The following CCDC66 variants were observed in gnomAD, a reference collection of about 807,000 sequenced individuals.
The protein encoded by CCDC66 is coiled-coil domain containing 66.
A neutral mutation model predicts 128.3 loss-of-function variants in CCDC66; 133 were observed. The ratio of observed to expected loss-of-function variants is 1.04; its 90% confidence interval spans 0.90 to 1.20. The LOEUF (loss-of-function observed/expected upper bound fraction) is 1.20, where lower values mean the gene tolerates loss of function less well. CCDC66 is among the 50% of genes most tolerant of loss of function. The pLI, the probability that CCDC66 is intolerant of heterozygous loss-of-function variation, is 0.00. For missense variants in CCDC66, 1,126 were observed against 1,075.5 expected (o/e 1.05, Z -0.66); for synonymous variants, 387 against 357.0 (o/e 1.08, Z -0.95).
At chr3:56,621,000 A>AAGTTAGTTAGTTAGTT (rs112632967) in intron 17 of CCDC66, 9,049 of 150,450 alleles carry the variant, frequency 0.06, 331 homozygotes, top group South Asian at 0.17. Context: ...AAAATACAAA[A>AAGTTAGTTAGTTAGTT]AGTTAGTTAG....
In CCDC66 at chr3:56,558,874, C is replaced by G. The variant is rs2064725617; in HGVS notation, c.40C>G (p.Leu14Val). The change falls in exon 2 of 18, where the codon CTG (leucine) becomes GTG (valine). Residue 14 changes from leucine to valine, a missense_variant. By Grantham distance (32) the Leu-to-Val change is conservative. Coordinates refer to ENST00000394672, the MANE Select transcript of CCDC66 (RefSeq NM_001141947.3). Reference sequence around the variant, plus strand: ...TGGTTTAAAGCTTGAAACTGAATTACTGGATGGAAAAACCAAGCTAATATT... The same window carrying G: ...TGGTTTAAAGCTTGAAACTGAATTAGTGGATGGAAAAACCAAGCTAATATT... Reference protein sequence around the residue: ...GDGLKLETELLDGKTKLILSP... With the variant: ...GDGLKLETELVDGKTKLILSP... 12 of 1,549,544 alleles carry G rather than the reference C, an allele frequency of 7.7e-6. No homozygotes were observed. The highest frequency in any genetic ancestry group is 1.0e-5 in the Non-Finnish European group (12 of 1,145,684).
intron 14 of CCDC66, chr3:56,617,849 A>G: frequency 3.5e-6 from 2 of 575,132 alleles, no homozygotes; most frequent in Non-Finnish European, 6.0e-6. Context: ...CAACAGAAAC[A>G]ATATGGCCCA....
chr3:56,597,777 G>GTTTTTTTTTTGTTTTTTTT (rs767015602), intron 10 of CCDC66, among the ~76,000 whole-genome samples: 1 of 87,916 alleles, frequency 1.1e-5, no homozygotes, highest in Non-Finnish European at 2.1e-5. Context: ...TTGTTTTGGG[G>GTTTTTTTTTTGTTTTTTTT]TTTTTTTTTT....
Position 56,621,264 on chromosome 3 carries a change from C to CTTCAT in CCDC66, c.2761-265_2761-261dup, listed in dbSNP as rs1428852331. 7.8e-5 allele frequency: 20 copies of CTTCAT among 256,332 alleles called. No homozygotes were observed. The East Asian group carries it at 1.5e-3, about 19-fold the overall frequency. 15.9% of individuals were successfully genotyped at this position (256,332 alleles called of 1,614,324 possible). A position where few individuals can be genotyped will look rare whatever the true frequency, so the allele number is the denominator to read the frequency against. On this transcript the variant is annotated intron_variant, in intron 17 of 17. Coordinates refer to ENST00000394672, the MANE Select transcript of CCDC66 (RefSeq NM_001141947.3). Reference sequence around the variant, plus strand: ...GGGTGGACTGGGGGAGAAGGGATGACTTCATTTACCCCCATAGTTATGGAG... The same window carrying CTTCAT: ...GGGTGGACTGGGGGAGAAGGGATGACTTCATTTCATTTACCCCCATAGTTATGGAG...
chr3:56,588,364 G>A (rs1050268346), intron 7 of CCDC66, among the ~76,000 whole-genome samples: 21 of 152,036 alleles, frequency 1.4e-4, no homozygotes, highest in African/African-American at 4.6e-4. Flanking sequence ...TATACTGCTC[G>A]GGTGATGCAT....
intron 7 of CCDC66, among the ~76,000 whole-genome samples, chr3:56,583,092 C>T (rs1408793905): frequency 4.6e-5 from 7 of 151,366 alleles, no homozygotes; most frequent in Non-Finnish European, 7.4e-5. Context: ...GTCTCAAACT[C>T]CTGGGTTCAA....
chr3:56,557,306 G>C (rs1205844505), intron 1 of CCDC66, 53 bp downstream of exon 1: 1 of 1,546,552 alleles, frequency 6.5e-7, no homozygotes, highest in Admixed American at 2.0e-5. Context: ...GTCGTCAGCG[G>C]AGAGGGAGGC....
chr3:56,614,005 A>G (rs186634444), intron 11 of CCDC66, among the ~76,000 whole-genome samples: 18 of 152,288 alleles, frequency 1.2e-4, no homozygotes, highest in African/African-American at 4.3e-4. Context: ...CTCCCACCTC[A>G]GCCTCCTAAA....
At chr3:56,602,146 A>G (rs1202485928) in intron 10 of CCDC66, among the ~76,000 whole-genome samples, 5 of 152,032 alleles carry the variant, frequency 3.3e-5, no homozygotes, top group Non-Finnish European at 5.9e-5. Flanking sequence ...ACGTTCCATC[A>G]ATACCTAGTT....
rs547111602 is a variant in CCDC66, at chr3:56,619,887, T to C, written c.2746T>C (p.Ser916Pro). 1.2e-6 allele frequency: 2 copies of C among 1,613,952 alleles called. No homozygotes were observed. The highest frequency in any genetic ancestry group is 2.7e-5 in the African/African-American group (2 of 75,042). The change falls in exon 17 of 18, where the codon TCA (serine) becomes CCA (proline). Residue 916 changes from serine to proline, a missense_variant. Physicochemically the swap from Ser to Pro is moderately conservative, Grantham distance 74. Coordinates refer to ENST00000394672, the MANE Select transcript of CCDC66 (RefSeq NM_001141947.3). ...ACAGCAAGCAATCCTTAAGGGACTT[T>C]CAGAACTGAGACAGGTATGAGCTTT... ...DRQQAILKGL[S>P]ELRQGLLQKQ...
intron 7 of CCDC66, among the ~76,000 whole-genome samples, chr3:56,579,092 G>T (rs917907367): frequency 1.3e-5 from 2 of 151,836 alleles, no homozygotes. Context: ...TTCAGAACCT[G>T]TTATTGGTCT....
intron 10 of CCDC66, among the ~76,000 whole-genome samples, chr3:56,608,659 G>T (rs1400011258): frequency 6.6e-6 from 1 of 152,016 alleles, no homozygotes; most frequent in Non-Finnish European, 1.5e-5. Context: ...GGTTTGGTTT[G>T]TTCTTGTTTC....
chr3:56,591,213 G>A (rs757970104), intron 7 of CCDC66, among the ~76,000 whole-genome samples: 3 of 152,200 alleles, frequency 2.0e-5, no homozygotes, highest in Non-Finnish European at 4.4e-5. Context: ...AGAAATTAAA[G>A]ACTCAACTGA....
chr3:56,595,269 A>G (rs1212597094), intron 10 of CCDC66, among the ~76,000 whole-genome samples: 1 of 152,186 alleles, frequency 6.6e-6, no homozygotes, highest in Non-Finnish European at 1.5e-5. Context: ...TTACTAGCCA[A>G]TTTGAAATAT....
At chr3:56,566,092 C>G (rs1577272023) in intron 4 of CCDC66, among the ~76,000 whole-genome samples, 1 of 102,616 alleles carries the variant, frequency 9.7e-6, no homozygotes, top group Non-Finnish European at 2.6e-5. Flanking sequence ...CATTTAACCT[C>G]TGGGCTTCAG....
chr3:56,612,269 CTT>C (rs1011140843), intron 10 of CCDC66, among the ~76,000 whole-genome samples: 56 of 152,102 alleles, frequency 3.7e-4, no homozygotes, highest in Non-Finnish European at 6.8e-4. Context: ...TCTCTATAGA[CTT>C]TTTTTTGGCC....
chr3:56,601,652 G>A (rs1464121360), intron 10 of CCDC66, among the ~76,000 whole-genome samples: 2 of 151,892 alleles, frequency 1.3e-5, no homozygotes, highest in Non-Finnish European at 2.9e-5. Context: ...ATTTCCTTGA[G>A]CAGTGGTTTG....
At position 56,619,813 on chromosome 3, in the gene CCDC66, G is replaced by C. The variant is rs150511860; in HGVS notation, c.2672G>C (p.Cys891Ser). ...AAACGACAGCTATTTGATTCTGACTGTGTCAGGGATCCACTTCTTAATCCT... is the reference window on the plus strand; with the variant it reads ...AAACGACAGCTATTTGATTCTGACTCTGTCAGGGATCCACTTCTTAATCCT... ...GQKRQLFDSD[C>S]VRDPLLNPNM... The change falls in exon 17 of 18, where the codon TGT becomes TCT. Residue 891 changes from cysteine to serine, a missense_variant. Cys to Ser is a moderately radical substitution (Grantham distance 112). Transcript: ENST00000394672. 49 of 1,614,010 alleles carry C rather than the reference G, an allele frequency of 3.0e-5. No homozygotes were observed. The East Asian group carries it at 8.5e-4, about 28-fold the overall frequency.
intron 15 of CCDC66, chr3:56,618,494 T>C (rs983755009): frequency 1.8e-5 from 6 of 328,242 alleles, no homozygotes; most frequent in Non-Finnish European, 3.3e-5. Context: ...ATTAGCAGAA[T>C]AGGCATTCTG....
Sources: allele counts gnomAD v4.1 joint callset (sites outside exome capture counted in the v4.1 genomes callset), GRCh38; gene constraint gnomAD v4.1.1; transcripts MANE v1.5; gene names NCBI Gene and HGNC (gene_info 2026-07-23, HGNC 2026-07-21).